MELK: variants seen among roughly 807,000 people sequenced by gnomAD.
MELK encodes maternal embryonic leucine zipper kinase.
Under a neutral mutation model 85.0 loss-of-function variants are expected in MELK, and 81 were observed. That is an observed-to-expected ratio of 0.95 (90% confidence interval 0.80 to 1.15). The LOEUF (loss-of-function observed/expected upper bound fraction) is 1.15. Among genes scored for constraint, MELK ranks in the 50% most tolerant of loss-of-function variants. The pLI is 0.00. For synonymous variants in MELK, 252 were observed against 265.0 expected (o/e 0.95, Z 0.48); for missense variants, 754 against 777.5 (o/e 0.97, Z 0.36).
intron 8 of MELK, among the ~76,000 whole-genome samples, chr9:36,622,673 A>C (rs1827557459): frequency 6.6e-6 from 1 of 152,264 alleles, no homozygotes; most frequent in Non-Finnish European, 1.5e-5. Context: ...GTTTGAAAAT[A>C]AAATTGCTGC....
intron 4 of MELK, among the ~76,000 whole-genome samples, chr9:36,591,573 C>A: frequency 6.6e-6 from 1 of 151,088 alleles, no homozygotes; most frequent in African/African-American, 2.4e-5. Context: ...GACTCTGTCT[C>A]AAAAAAGAAA....
intron 10 of MELK, 151 bp from the exon 11 acceptor site, chr9:36,642,846 A>G: frequency 3.2e-6 from 2 of 615,470 alleles, no homozygotes; most frequent in Non-Finnish European, 2.8e-6. Flanking sequence ...AAGATTATAG[A>G]GAATATTGAT....
intron 4 of MELK, among the ~76,000 whole-genome samples, chr9:36,593,380 G>A (rs1392460014): frequency 6.6e-6 from 1 of 152,022 alleles, no homozygotes; most frequent in East Asian, 1.9e-4. Flanking sequence ...TGGGATTAGT[G>A]CCTTTATACA....
intron 12 of MELK, among the ~76,000 whole-genome samples, chr9:36,653,361 G>A (rs1324659633): frequency 6.6e-6 from 1 of 152,112 alleles, no homozygotes; most frequent in Non-Finnish European, 1.5e-5. Flanking sequence ...GCCCAGGCTG[G>A]TCTTGAACAC....
chr9:36,671,177 T>A lies in MELK; in HGVS notation c.1674+11T>A. 1.3e-6 allele frequency: 2 copies of A among 1,555,652 alleles called. No individual in the cohort carries two copies. Among genetic ancestry groups the A allele is most frequent in the Non-Finnish European group, 1.7e-6 (2 of 1,152,380 alleles). On this transcript the variant is annotated intron_variant, in intron 16 of 17. Transcript: ENST00000298048. The stretch of plus-strand genomic sequence containing the variant: ...CCCAGAAGACTAAAGGTAAGCAGGC[T>A]GGAATTCTTTCATATGGAGCAGAAG...
Position 36,668,751 on chromosome 9 carries a change from G to A in MELK, c.1409-559G>A, listed in dbSNP as rs1832620723. Among the ~76,000 whole-genome samples the A allele has an allele frequency of 2.6e-5, 4 of 152,252 alleles. No homozygotes were observed. In the South Asian group the frequency reaches 8.3e-4, roughly 32 times the overall value. ...GCTGGTCTCGAACTCCTGACCTCAT[G>A]ATCCGCCCTCCTCGGCCTCCCAAGG... On this transcript the variant is annotated intron_variant, in intron 14 of 17. Transcript: ENST00000298048.
intron 12 of MELK, among the ~76,000 whole-genome samples, chr9:36,656,658 C>A (rs991893104): frequency 6.6e-6 from 1 of 151,488 alleles, no homozygotes; most frequent in Non-Finnish European, 1.5e-5. Flanking sequence ...GACAGAGTCT[C>A]GCTGTATTAC....
chr9:36,655,514 A>G (rs1327168059), intron 12 of MELK, among the ~76,000 whole-genome samples: 1 of 152,170 alleles, frequency 6.6e-6, no homozygotes, highest in African/African-American at 2.4e-5. Context: ...CAAGAGCCAG[A>G]TAGTAGAGAA....
At chr9:36,601,728 C>T (rs890205031) in intron 7 of MELK, among the ~76,000 whole-genome samples, 2 of 152,168 alleles carry the variant, frequency 1.3e-5, no homozygotes, top group Non-Finnish European at 2.9e-5. Context: ...TTCTTCATTT[C>T]TGCCTACCCT....
chr9:36,615,499 C>G (rs1419723930), intron 8 of MELK, among the ~76,000 whole-genome samples: 1 of 139,414 alleles, frequency 7.2e-6, no homozygotes, highest in Non-Finnish European at 1.6e-5. Context: ...GGCTGACCCC[C>G]CCCCACCTCC....
chr9:36,615,300 T>C (rs867126035), intron 8 of MELK, among the ~76,000 whole-genome samples: 3,348 of 39,340 alleles, frequency 0.085, 400 homozygotes, highest in African/African-American at 0.28. Flanking sequence ...GGGGGGCTGA[T>C]CCCCCCACCT....
At chr9:36,658,735 T>A (rs1487932803) in intron 13 of MELK, among the ~76,000 whole-genome samples, 2 of 151,822 alleles carry the variant, frequency 1.3e-5, no homozygotes, top group Non-Finnish European at 2.9e-5. Context: ...GAGGCTCCGC[T>A]GTATCGCCCA....
At chr9:36,625,215 C>T (rs542565022) in intron 8 of MELK, among the ~76,000 whole-genome samples, 1 of 152,228 alleles carries the variant, frequency 6.6e-6, no homozygotes, top group East Asian at 1.9e-4. Flanking sequence ...ACTCAGGCAG[C>T]TCACGGCCTT....
intron 1 of MELK, among the ~76,000 whole-genome samples, chr9:36,580,912 T>C (rs1321124223): frequency 6.6e-6 from 1 of 151,842 alleles, no homozygotes; most frequent in Non-Finnish European, 1.5e-5. Flanking sequence ...GTATCTTTAG[T>C]AGAGATGGGG....
chr9:36,584,953 A>G (rs796363883), intron 3 of MELK, among the ~76,000 whole-genome samples: 10 of 152,234 alleles, frequency 6.6e-5, no homozygotes, highest in African/African-American at 2.4e-4. Context: ...TCCTGGCCTC[A>G]AGCAGTCTTC....
At chr9:36,660,358 A>C (rs1052877062) in intron 13 of MELK, among the ~76,000 whole-genome samples, 8 of 151,782 alleles carry the variant, frequency 5.3e-5, no homozygotes, top group Non-Finnish European at 1.0e-4. Context: ...CATTCCGTCA[A>C]CCAGGCTGGA....
chr9:36,620,478 G>A (rs944313499), intron 8 of MELK, among the ~76,000 whole-genome samples: 1 of 151,236 alleles, frequency 6.6e-6, no homozygotes, highest in African/African-American at 2.4e-5. Context: ...CCAGCTCTGA[G>A]TAGCTATAAG....
intron 10 of MELK, among the ~76,000 whole-genome samples, chr9:36,640,388 G>T (rs763079413): frequency 6.6e-6 from 1 of 152,154 alleles, no homozygotes; most frequent in Non-Finnish European, 1.5e-5. Flanking sequence ...TCCTCACGTG[G>T]TGGAACGGGA....
At chr9:36,662,325 C>G (rs973609331) in intron 13 of MELK, among the ~76,000 whole-genome samples, 45 of 151,502 alleles carry the variant, frequency 3.0e-4, no homozygotes, top group African/African-American at 1.0e-3. Flanking sequence ...CTCACTGCAA[C>G]CTCTTCCTCC....
Sources: allele counts gnomAD v4.1 joint callset (sites outside exome capture counted in the v4.1 genomes callset), GRCh38; gene constraint gnomAD v4.1.1; transcripts MANE v1.5; gene names NCBI Gene and HGNC (gene_info 2026-07-23, HGNC 2026-07-21).